Variants in PRKCG observed in about 807,000 individuals in gnomAD.
PRKCG encodes the protein protein kinase C gamma type.
A neutral mutation model predicts 82.0 loss-of-function variants in PRKCG; 28 were observed. The observed-to-expected ratio is 0.34, with a 90% CI of 0.25 to 0.47. PRKCG has a LOEUF of 0.47. Among genes scored for constraint, PRKCG ranks in the 20% least tolerant of loss-of-function variants. PRKCG has a pLI of 1.00. For missense variants in PRKCG, 640 were observed against 952.7 expected, an observed-to-expected ratio of 0.67 and a Z score of 4.32; for synonymous variants, 383 against 376.6, an observed-to-expected ratio of 1.02 and a Z score of -0.20.
chr19:53,894,107 C>T (rs2068700319), intron 9 of PRKCG, among the ~76,000 whole-genome samples: 1 of 151,332 alleles, frequency 6.6e-6, no homozygotes, highest in Non-Finnish European at 1.5e-5. Flanking sequence ...GCTGTGACGC[C>T]CAGGCTGGAG....
upstream of PRKCG, among the ~76,000 whole-genome samples, chr19:53,881,096 C>T (rs2068584781): frequency 3.3e-5 from 1 of 30,598 alleles, no homozygotes. Flanking sequence ...GAGAGAGAGA[C>T]TGAGTCATAG....
chr19:53,888,324 C>A (rs1392718629), intron 3 of PRKCG, among the ~76,000 whole-genome samples: 1 of 152,104 alleles, frequency 6.6e-6, no homozygotes, highest in Non-Finnish European at 1.5e-5. Context: ...CTGTGATAAT[C>A]CTTTTAATGG....
At chr19:53,890,298 T>C (rs2068664332) in intron 5 of PRKCG, among the ~76,000 whole-genome samples, 1 of 152,012 alleles carries the variant, frequency 6.6e-6, no homozygotes, top group Non-Finnish European at 1.5e-5. Context: ...CTCTTGTTGC[T>C]CAAGCTGGAG....
chr19:53,889,743 T>A lies in PRKCG; in HGVS notation c.391T>A (p.Cys131Ser), dbSNP rs386134166. ...LYGLVHQGMKCSCCEMNVHRR... is the reference protein window; with the variant it reads ...LYGLVHQGMKSSCCEMNVHRR... ...CGGGCTTGTGCACCAGGGCATGAAA[T>A]GCTCCTGTGAGTGACCTGGGCCTTG... Residue 131 changes from cysteine (C) to serine (S), a missense_variant, in exon 4 of 18, where the codon TGC (cysteine) becomes AGC (serine). Physicochemically the swap from Cys to Ser is moderately radical, Grantham distance 112. Transcript: ENST00000263431. The surrounding 1 kb of genome is among the most constrained non-coding windows in gnomAD (Gnocchi z 4.4). The A allele has an allele frequency of 6.2e-7, 1 of 1,613,826 alleles. No individual in the cohort carries two copies. Among genetic ancestry groups the A allele is most frequent in the Admixed American group, 1.7e-5 (1 of 60,004 alleles).
chr19:53,891,141 A>G (rs921618415), intron 5 of PRKCG, among the ~76,000 whole-genome samples: 1 of 152,156 alleles, frequency 6.6e-6, no homozygotes, highest in Non-Finnish European at 1.5e-5. Context: ...GCCAGGGTCC[A>G]AACTCTGGTT....
chr19:53,906,124 T>TTCTTCTTCTTCTTCTTCTTCTTC (rs1568764147), intron 16 of PRKCG, among the ~76,000 whole-genome samples, 193 bp from the exon 17 acceptor site: 1 of 70,638 alleles, frequency 1.4e-5, no homozygotes, highest in Admixed American at 1.4e-4. Context: ...TCTTCTTTTC[T>TTCTTCTTCTTCTTCTTCTTCTTC]TCTCTCTCTC....
intron 3 of PRKCG, among the ~76,000 whole-genome samples, chr19:53,888,251 T>C (rs2068646671): frequency 6.6e-6 from 1 of 152,108 alleles, no homozygotes; most frequent in Non-Finnish European, 1.5e-5. Flanking sequence ...TACCCAAATA[T>C]ATATTCAAAC....
chr19:53,905,395 C>T (rs1332456393), intron 16 of PRKCG, among the ~76,000 whole-genome samples: 1 of 146,478 alleles, frequency 6.8e-6, no homozygotes, highest in African/African-American at 2.5e-5. Context: ...ACACACGCTA[C>T]ATCTCACCCT....
At chr19:53,891,278 CTTTT>C (rs537462382) in intron 5 of PRKCG, among the ~76,000 whole-genome samples, 3 of 133,832 alleles carry the variant, frequency 2.2e-5, no homozygotes, top group Non-Finnish European at 1.6e-5. Context: ...GCTTGGAATT[CTTTT>C]TTTTTTTTTT....
intron 16 of PRKCG, among the ~76,000 whole-genome samples, 197 bp from the exon 17 acceptor site, chr19:53,906,120 T>TCTTCTTCTTCTTC (rs1164462888): frequency 2.3e-5 from 2 of 85,680 alleles, no homozygotes; most frequent in Non-Finnish European, 3.9e-5. Context: ...TTCTTCTTCT[T>TCTTCTTCTTCTTC]TTCTTCTCTC....
chr19:53,904,428 C>T (rs1204449887), intron 15 of PRKCG, among the ~76,000 whole-genome samples: 1 of 145,210 alleles, frequency 6.9e-6, no homozygotes, highest in Non-Finnish European at 1.5e-5. Context: ...AGATCTGAGG[C>T]ATCCGAGATA....
rs2068733528 is a variant in PRKCG at position 53,898,456 on chromosome 19, G to A, written c.1109G>A (p.Arg370His). Residue 370 changes from arginine (R) to histidine (H), a missense_variant, in exon 11 of 18, where the codon CGC becomes CAC. By Grantham distance (29) the Arg-to-His change is conservative (BLOSUM62 0). Coordinates refer to ENST00000263431, the MANE Select transcript of PRKCG (RefSeq NM_002739.5). ...GSFGKVMLAE[R>H]RGSDELYAIK... ...TGCGCATAGGTGATGCTGGCCGAGC[G>A]CAGGGGCTCTGATGAGCTCTACGCC... is the stretch of plus-strand genomic sequence containing the variant. The A allele has an allele frequency of 6.2e-7, 1 of 1,613,872 alleles. No individual in the cohort carries two copies. Among genetic ancestry groups the A allele is most frequent in the Non-Finnish European group, 8.5e-7 (1 of 1,180,038 alleles).
At chr19:53,897,355 G>A (rs1196171096) in intron 9 of PRKCG, among the ~76,000 whole-genome samples, 1 of 152,260 alleles carries the variant, frequency 6.6e-6, no homozygotes, top group East Asian at 1.9e-4. Context: ...TCCCTGGGGG[G>A]CCGAGGCAGG....
At position 53,906,980 on chromosome 19, in the gene PRKCG, C is replaced by G; in HGVS notation, c.*85C>G. 6.3e-7 allele frequency: 1 copy of G among 1,588,936 alleles called. No individual in the cohort carries two copies. The highest frequency in any genetic ancestry group is 8.6e-7 in the Non-Finnish European group (1 of 1,168,712). ...ACTTCACCCCCAACTTCACCACCCC[C>G]TGTCCCATTCTAGATCCTGCACCCC... is the stretch of plus-strand genomic sequence containing the variant. On this transcript the variant is annotated 3_prime_UTR_variant, in exon 18 of 18. Coordinates refer to ENST00000263431, the MANE Select transcript of PRKCG (RefSeq NM_002739.5).
At chr19:53,891,397 C>A (rs2068674704) in intron 5 of PRKCG, among the ~76,000 whole-genome samples, 1 of 151,880 alleles carries the variant, frequency 6.6e-6, no homozygotes, top group Non-Finnish European at 1.5e-5. Flanking sequence ...CCGCCTCAGC[C>A]TCCTGAGTAG....
chr19:53,890,563 G>C (rs1255104217), intron 5 of PRKCG, among the ~76,000 whole-genome samples: 3 of 151,530 alleles, frequency 2.0e-5, no homozygotes. Flanking sequence ...CTGGCCAATG[G>C]CTTTCTTTTT....
rs1224411700 is a variant in PRKCG at position 53,883,221 on chromosome 19, G to A, written c.202+27G>A. The A allele has an allele frequency of 1.2e-6, 2 of 1,613,412 alleles. No individual in the cohort carries two copies. The highest frequency in any genetic ancestry group is 4.5e-5 in the East Asian group (2 of 44,838). On this transcript the variant is annotated intron_variant, in intron 2 of 17. Coordinates refer to ENST00000263431, the MANE Select transcript of PRKCG (RefSeq NM_002739.5). The surrounding 1 kb of genome is among the most constrained non-coding windows in gnomAD (Gnocchi z 5.4). ...TAAGAGCTGGGGACCGGGGCTCCTG[G>A]GACCCTCAGGAGGGTGGAGGCTGGG...
intron 9 of PRKCG, among the ~76,000 whole-genome samples, chr19:53,894,122 G>C (rs1383102492): frequency 6.6e-6 from 1 of 151,552 alleles, no homozygotes; most frequent in Non-Finnish European, 1.5e-5. Context: ...CTGGAGTGCA[G>C]TGGTGCGATC....
At chr19:53,896,953 C>G (rs576506707) in intron 9 of PRKCG, among the ~76,000 whole-genome samples, 1 of 152,184 alleles carries the variant, frequency 6.6e-6, no homozygotes, top group South Asian at 2.1e-4. Flanking sequence ...TGAAGTGATG[C>G]TTGAGTCAAG....
Sources: gnomAD v4.1 joint callset for allele counts (sites outside exome capture counted in the v4.1 genomes callset) on GRCh38, gnomAD v4.1.1 for gene constraint, Gnocchi (gnomAD v3.1) non-coding constraint, MANE v1.5 for transcripts, NCBI Gene and HGNC (gene_info 2026-07-23, HGNC 2026-07-21) for gene names.